The following ANKFN1 variants were observed in gnomAD, a reference collection of about 807,000 sequenced individuals.
ANKFN1 encodes the protein ankyrin repeat and fibronectin type III domain containing 1.
In ANKFN1, 74 loss-of-function variants were observed where a neutral mutation model predicts 108.7. The observed-to-expected ratio is 0.68, with a 90% CI of 0.56 to 0.83. The LOEUF is 0.83. Among genes scored for constraint, ANKFN1 ranks in the 40% least tolerant of loss-of-function variants. The pLI, the probability that ANKFN1 is intolerant of heterozygous loss-of-function variation, is 0.00. For missense variants in ANKFN1, 1,505 were observed against 1,382.3 expected, an observed-to-expected ratio of 1.09 and a Z score of -1.41; for synonymous variants, 547 against 516.2, an observed-to-expected ratio of 1.06 and a Z score of -0.81.
chr17:56,128,591 AC>A (rs1181557746), intron 4 of ANKFN1, among the ~76,000 whole-genome samples: 2 of 152,158 alleles, frequency 1.3e-5, no homozygotes, highest in Non-Finnish European at 2.9e-5. Flanking sequence ...CACTGGTGAG[AC>A]TTTTTATAAA....
chr17:56,245,898 A>C (rs1288793937), intron 3 of ANKFN1: 1 of 152,176 alleles, frequency 6.6e-6, no homozygotes, highest in East Asian at 1.9e-4. Flanking sequence ...ACAATGTATT[A>C]AAAAAGAAGA....
intron 4 of ANKFN1, among the ~76,000 whole-genome samples, chr17:56,098,154 CAGAAGCTGGAAAAGAATGGA>C (rs1203121581): frequency 7.9e-5 from 12 of 152,018 alleles, no homozygotes; most frequent in African/African-American, 2.2e-4. Flanking sequence ...TGACAGCTGC[CAGAAGCTGGAAAAGAATGGA>C]TTCACCCCTA....
At chr17:56,104,823 G>A (rs754685665) in intron 4 of ANKFN1, among the ~76,000 whole-genome samples, 11 of 152,114 alleles carry the variant, frequency 7.2e-5, no homozygotes, top group Non-Finnish European at 1.3e-4. Flanking sequence ...TTTGCACAAT[G>A]GTGTTTCAGG....
intron 4 of ANKFN1, among the ~76,000 whole-genome samples, chr17:56,056,822 T>C (rs1265384332): frequency 1.3e-5 from 2 of 152,208 alleles, no homozygotes; most frequent in Non-Finnish European, 2.9e-5. Context: ...AATAGATAAA[T>C]TGGCAATTTT....
intron 3 of ANKFN1, among the ~76,000 whole-genome samples, chr17:56,247,648 G>A (rs1168121523): frequency 6.6e-6 from 1 of 152,068 alleles, no homozygotes. Flanking sequence ...AGGTCAAAGA[G>A]GAATCATTTT....
At chr17:56,429,966 C>G (rs917336038) in intron 8 of ANKFN1, among the ~76,000 whole-genome samples, 1 of 152,088 alleles carries the variant, frequency 6.6e-6, no homozygotes, top group African/African-American at 2.4e-5. Context: ...GAAAGAATGA[C>G]AGTTGAAATT....
intron 1 of ANKFN1, among the ~76,000 whole-genome samples, chr17:56,195,050 C>A (rs1913378863): frequency 6.6e-6 from 1 of 152,212 alleles, no homozygotes; most frequent in African/African-American, 2.4e-5. Flanking sequence ...GGAGCAGGCA[C>A]ATGAGTTGCA....
chr17:56,310,431 C>A (rs1182151392), intron 3 of ANKFN1, among the ~76,000 whole-genome samples: 1 of 151,980 alleles, frequency 6.6e-6, no homozygotes, highest in Non-Finnish European at 1.5e-5. Flanking sequence ...TCCTGGCTAA[C>A]GTGGTGAAAC....
intron 8 of ANKFN1, among the ~76,000 whole-genome samples, chr17:56,411,982 G>C (rs1229539873): frequency 6.6e-6 from 1 of 152,114 alleles, no homozygotes; most frequent in African/African-American, 2.4e-5. Context: ...TTTGGTATCA[G>C]GGTAATGCTG....
At chr17:56,470,148 A>G (rs937195538) in intron 15 of ANKFN1, among the ~76,000 whole-genome samples, 2 of 152,182 alleles carry the variant, frequency 1.3e-5, no homozygotes, top group Admixed American at 6.5e-5. Flanking sequence ...ATAGTATTCC[A>G]TGGTGTATAT....
chr17:56,209,533 T>C (rs1156782192), intron 1 of ANKFN1, among the ~76,000 whole-genome samples: 3 of 152,196 alleles, frequency 2.0e-5, no homozygotes, highest in African/African-American at 7.2e-5. Context: ...TGCCTGAAGA[T>C]AACAAACCAG....
intron 3 of ANKFN1, among the ~76,000 whole-genome samples, chr17:56,262,080 C>T (rs761098804): frequency 6.6e-6 from 1 of 152,078 alleles, no homozygotes; most frequent in Non-Finnish European, 1.5e-5. Context: ...AGGTCCGAGC[C>T]CTCCAAGAAT....
At chr17:56,292,531 G>A (rs112037190) in intron 3 of ANKFN1, among the ~76,000 whole-genome samples, 2 of 152,164 alleles carry the variant, frequency 1.3e-5, no homozygotes, top group Non-Finnish European at 2.9e-5. Context: ...TCTCCAGGTG[G>A]TCCTACGAGG....
intron 4 of ANKFN1, among the ~76,000 whole-genome samples, chr17:56,138,349 G>A (rs2143380876): frequency 6.6e-6 from 1 of 152,220 alleles, no homozygotes; most frequent in South Asian, 2.1e-4. Flanking sequence ...GACCACTGGA[G>A]ACACTAAAAA....
At chr17:56,397,052 T>A (rs1344736770) in intron 8 of ANKFN1, among the ~76,000 whole-genome samples, 6 of 151,704 alleles carry the variant, frequency 4.0e-5, no homozygotes, top group Non-Finnish European at 8.8e-5. Flanking sequence ...ATTAATAAAA[T>A]TTTTAAAATT....
At position 56,458,083 on chromosome 17, in the gene ANKFN1, C is replaced by T. The variant is rs2049775657; in HGVS notation, c.1557+104C>T. ...AAAGGAAAAGGATGGGCTCCCTTCT[C>T]TTTCAGACCCCTAAGAATATGAAGT... On this transcript the variant is annotated intron_variant, in intron 14 of 20. Transcript: ENST00000682825. 6.7e-6 allele frequency: 6 copies of T among 890,166 alleles called. No homozygotes were observed. In the Admixed American group the frequency reaches 1.4e-4, roughly 21 times the overall value. 55.1% of individuals were successfully genotyped at this position (890,166 alleles called of 1,614,324 possible). A position where few individuals can be genotyped will look rare whatever the true frequency, so the allele number is the denominator to read the frequency against.
chr17:56,234,075 C>T lies in ANKFN1; in HGVS notation c.53+6118C>T, dbSNP rs144318298. ...TTAACATTCTCATCACTTTCTTAAA[C>T]GTAGACAATCAACAAAACAATAAAT... On this transcript the variant is annotated intron_variant, in intron 3 of 20. Coordinates refer to ENST00000682825, the MANE Select transcript of ANKFN1 (RefSeq NM_001370326.1). Among the ~76,000 whole-genome samples the T allele has an allele frequency of 2.3e-3, 343 of 152,184 alleles. 2 individuals carry two copies. The highest frequency in any genetic ancestry group is 7.8e-3 in the African/African-American group (325 of 41,554).
At chr17:56,140,052 G>T (rs1312778534) in intron 4 of ANKFN1, among the ~76,000 whole-genome samples, 1 of 152,176 alleles carries the variant, frequency 6.6e-6, no homozygotes, top group Non-Finnish European at 1.5e-5. Context: ...TCCCACTTAA[G>T]CGATTGCTTG....
chr17:56,378,181 G>A lies in ANKFN1; in HGVS notation c.910+3467G>A, dbSNP rs927104004. 4.6e-5 allele frequency among the ~76,000 whole-genome samples: 7 copies of A among 152,256 alleles called. No individual in the cohort carries two copies. The East Asian group carries it at 7.7e-4, about 17-fold the overall frequency. On this transcript the variant is annotated intron_variant, in intron 8 of 20. Coordinates refer to ENST00000682825, the MANE Select transcript of ANKFN1 (RefSeq NM_001370326.1). ...CAGTGACCAGGCCCATATCTCTGCC[G>A]ACCATCACCTTCAGTTTCTTTCTCA... is the stretch of plus-strand genomic sequence containing the variant.
Sources: allele counts gnomAD v4.1 joint callset (sites outside exome capture counted in the v4.1 genomes callset), GRCh38; gene constraint gnomAD v4.1.1; transcripts MANE v1.5; gene names NCBI Gene and HGNC (gene_info 2026-07-23, HGNC 2026-07-21).